The following PPP3CA variants were observed in gnomAD, a reference collection of about 807,000 sequenced individuals.
PPP3CA encodes the protein CAM-PRP catalytic subunit.
In PPP3CA, 14 loss-of-function variants were observed where a neutral mutation model predicts 66.5. The observed-to-expected ratio is 0.21, with a 90% CI of 0.14 to 0.33. The LOEUF is 0.33. Ranked by LOEUF, PPP3CA falls within the 10% of genes least tolerant of loss-of-function variation. The pLI, the probability that PPP3CA is intolerant of heterozygous loss-of-function variation, is 1.00. For synonymous variants in PPP3CA, 232 were observed against 226.2 expected (o/e 1.03, Z -0.23); for missense variants, 317 against 639.5 (o/e 0.50, Z 5.44).
chr4:101,098,754 A>G (rs1269069937), intron 4 of PPP3CA, among the ~76,000 whole-genome samples: 1 of 152,126 alleles, frequency 6.6e-6, no homozygotes, highest in African/African-American at 2.4e-5. Context: ...CGTTTTGTAT[A>G]GCAAGAGAAT....
chr4:101,182,608 A>T (rs1046406924), intron 2 of PPP3CA, among the ~76,000 whole-genome samples: 1 of 152,186 alleles, frequency 6.6e-6, no homozygotes, highest in African/African-American at 2.4e-5. Flanking sequence ...TCTGGAAAAG[A>T]ACAGGGTTTG....
intron 6 of PPP3CA, among the ~76,000 whole-genome samples, chr4:101,084,731 T>C (rs758947527): frequency 2.0e-5 from 3 of 152,098 alleles, no homozygotes; most frequent in Non-Finnish European, 2.9e-5. Context: ...GATCTGAAAC[T>C]GAAAACAGTC....
At chr4:101,190,071 G>A (rs1417573892) in intron 2 of PPP3CA, among the ~76,000 whole-genome samples, 2 of 152,076 alleles carry the variant, frequency 1.3e-5, no homozygotes, top group Non-Finnish European at 2.9e-5. Flanking sequence ...TTGAAAATAT[G>A]AGTATTACCT....
intron 1 of PPP3CA, among the ~76,000 whole-genome samples, chr4:101,335,834 C>T (rs1490929678): frequency 6.6e-6 from 1 of 152,114 alleles, no homozygotes; most frequent in Non-Finnish European, 1.5e-5. Context: ...CAAGATCAAC[C>T]TTTGTTCACT....
intron 1 of PPP3CA, among the ~76,000 whole-genome samples, chr4:101,313,568 G>C (rs1250904382): frequency 1.3e-5 from 2 of 152,128 alleles, no homozygotes; most frequent in Non-Finnish European, 2.9e-5. Context: ...AGAACAGCCT[G>C]TCCCTAGTTT....
chr4:101,030,845 T>TATC (rs1726916370), intron 12 of PPP3CA, among the ~76,000 whole-genome samples: 1 of 152,154 alleles, frequency 6.6e-6, no homozygotes, highest in South Asian at 2.1e-4. Flanking sequence ...AAAATGTGCT[T>TATC]ATCAGAAACT....
intron 1 of PPP3CA, among the ~76,000 whole-genome samples, chr4:101,244,672 G>A (rs1202187465): frequency 3.3e-5 from 5 of 152,136 alleles, no homozygotes; most frequent in African/African-American, 1.2e-4. Context: ...GAATAGATCT[G>A]TTATTTGATG....
In PPP3CA at chr4:101,323,563, G is replaced by A. The variant is rs138328997; in HGVS notation, c.58+23176C>T. 4.6e-3 allele frequency among the ~76,000 whole-genome samples: 702 copies of A among 152,246 alleles called. 4 individuals carry two copies. Among genetic ancestry groups the A allele is most frequent in the African/African-American group, 0.016 (664 of 41,550 alleles). ...CTCAAATCAGGAATCCAATTTCCCT[G>A]ATCAAAAATCCTATTTTAACCTAAA... is the stretch of plus-strand genomic sequence containing the variant. On this transcript the variant is annotated intron_variant, in intron 1 of 13. Coordinates refer to ENST00000394854, the MANE Select transcript of PPP3CA (RefSeq NM_000944.5).
At chr4:101,291,059 G>A (rs946402777) in intron 1 of PPP3CA, among the ~76,000 whole-genome samples, 11 of 152,156 alleles carry the variant, frequency 7.2e-5, no homozygotes, top group African/African-American at 2.4e-4. Flanking sequence ...GAACCTAAGA[G>A]AGCAAAATAA....
intron 1 of PPP3CA, among the ~76,000 whole-genome samples, chr4:101,200,590 T>C (rs562525174): frequency 3.3e-5 from 5 of 152,302 alleles, no homozygotes; most frequent in Admixed American, 3.3e-4. Flanking sequence ...CTTTTGAGCC[T>C]ATATTTTCCT....
At chr4:101,073,439 G>A (rs2110234035) in intron 8 of PPP3CA, among the ~76,000 whole-genome samples, 1 of 152,046 alleles carries the variant, frequency 6.6e-6, no homozygotes, top group Middle Eastern at 3.4e-3. Flanking sequence ...ACCACACCTG[G>A]CTAATTTTTG....
chr4:101,046,282 A>G (rs1374091747), intron 10 of PPP3CA, among the ~76,000 whole-genome samples: 2 of 152,198 alleles, frequency 1.3e-5, no homozygotes, highest in African/African-American at 4.8e-5. Context: ...TTATACTTAA[A>G]TATCTTCTGA....
At chr4:101,187,329 A>G (rs1724444201) in intron 2 of PPP3CA, among the ~76,000 whole-genome samples, 1 of 152,108 alleles carries the variant, frequency 6.6e-6, no homozygotes, top group African/African-American at 2.4e-5. Flanking sequence ...GAGGAGGAAA[A>G]AAGTCTGTAA....
At chr4:101,069,658 T>G (rs1439625080) in intron 8 of PPP3CA, among the ~76,000 whole-genome samples, 1 of 152,166 alleles carries the variant, frequency 6.6e-6, no homozygotes, top group Non-Finnish European at 1.5e-5. Flanking sequence ...TATATGCAGA[T>G]TTTCTTCTGC....
At chr4:101,311,268 G>A (rs1728713645) in intron 1 of PPP3CA, among the ~76,000 whole-genome samples, 1 of 152,084 alleles carries the variant, frequency 6.6e-6, no homozygotes, top group South Asian at 2.1e-4. Flanking sequence ...TTGGTGCCTA[G>A]TATGTGACAA....
At chr4:101,309,186 C>G (rs6830390) in intron 1 of PPP3CA, among the ~76,000 whole-genome samples, 15,983 of 152,162 alleles carry the variant, frequency 0.11, 2,865 homozygotes, top group African/African-American at 0.36. Context: ...CCACCTTCCT[C>G]TGTCATCCCT....
chr4:101,035,125 C>T (rs910847003), intron 11 of PPP3CA, among the ~76,000 whole-genome samples: 6 of 151,920 alleles, frequency 3.9e-5, no homozygotes, highest in Non-Finnish European at 8.8e-5. Flanking sequence ...AAAAATTAGC[C>T]GGGTGTGATG....
In PPP3CA at chr4:101,064,436, T is replaced by G. The variant is rs565317447; in HGVS notation, c.956-1079A>C. 3.9e-5 allele frequency among the ~76,000 whole-genome samples: 6 copies of G among 152,190 alleles called. No homozygotes were observed. The East Asian group carries it at 7.7e-4, about 20-fold the overall frequency. ...CTTCTTAGGCTTTGGCAAGATTTCA[T>G]TTTTATTATCTATTCAGGGCATAAT... is the stretch of plus-strand genomic sequence containing the variant. On this transcript the variant is annotated intron_variant, in intron 8 of 13. Coordinates refer to ENST00000394854, the MANE Select transcript of PPP3CA (RefSeq NM_000944.5).
chr4:101,201,472 A>G (rs930446277), intron 1 of PPP3CA, among the ~76,000 whole-genome samples: 1 of 152,256 alleles, frequency 6.6e-6, no homozygotes. Flanking sequence ...TTACACAAAT[A>G]TGAATTTCAG....
Sources: gnomAD v4.1 joint callset for allele counts (sites outside exome capture counted in the v4.1 genomes callset) on GRCh38, gnomAD v4.1.1 for gene constraint, MANE v1.5 for transcripts, NCBI Gene and HGNC (gene_info 2026-07-23, HGNC 2026-07-21) for gene names.